The following PARK7 variants were observed in gnomAD, a reference collection of about 807,000 sequenced individuals.
PARK7 encodes Parkinson disease protein 7.
PARK7 carries 14 observed loss-of-function variants against 20.5 expected under a neutral mutation model. The ratio of observed to expected loss-of-function variants is 0.68; its 90% confidence interval spans 0.45 to 1.07. The LOEUF (loss-of-function observed/expected upper bound fraction) is 1.07. PARK7 is among the 50% of genes least tolerant of loss of function. The probability of loss-of-function intolerance (pLI) is 0.00; values close to 1 mark genes in which losing one functional copy is unlikely to be tolerated. For synonymous variants in PARK7, 98 were observed against 84.3 expected (o/e 1.16, Z -0.89); for missense variants, 234 against 238.1 (o/e 0.98, Z 0.11).
intron 6 of PARK7, among the ~76,000 whole-genome samples, chr1:7,981,415 T>A (rs1640706223): frequency 6.6e-6 from 1 of 152,226 alleles, no homozygotes; most frequent in Non-Finnish European, 1.5e-5. Flanking sequence ...GACCTGGGAT[T>A]TGAACCCAGA....
chr1:7,984,918 G>A lies in PARK7; in HGVS notation c.434G>A (p.Arg145His), dbSNP rs148682310. 47 of 1,614,034 alleles carry A rather than the reference G, an allele frequency of 2.9e-5. No individual in the cohort carries two copies. The highest frequency in any genetic ancestry group is 8.9e-5 in the East Asian group (4 of 44,898). Residue 145 changes from arginine (R) to histidine (H), a missense_variant, in exon 7 of 7, where the codon CGT (arginine) becomes CAT (histidine). Transcript: ENST00000338639. This position sits in a 1 kb window ranked among gnomAD's most constrained non-coding sequence, Gnocchi z 4.3. ...NGGHYTYSEN[R>H]VEKDGLILTS... ...GGTCATTACACCTACTCTGAGAATC[G>A]TGTGGAAAAAGACGGCCTGATTCTT...
chr1:7,976,517 A>G (rs749833435), intron 5 of PARK7, among the ~76,000 whole-genome samples: 3 of 152,284 alleles, frequency 2.0e-5, no homozygotes, highest in Non-Finnish European at 4.4e-5. Flanking sequence ...CCAATTTGGA[A>G]AGACTTCATC....
intron 2 of PARK7, 83 bp downstream of exon 2, chr1:7,962,958 G>A: frequency 8.8e-7 from 1 of 1,141,448 alleles, no homozygotes. Flanking sequence ...TATTCAAAGT[G>A]CTCTATGAAA....
chr1:7,982,151 T>C lies in PARK7; in HGVS notation c.410-2743T>C, dbSNP rs570040040. 4.2e-5 allele frequency among the ~76,000 whole-genome samples: 6 copies of C among 142,398 alleles called. No homozygotes were observed. In the South Asian group the frequency reaches 1.3e-3, roughly 31 times the overall value. The allele number at this position is 142,398 out of a possible 152,430, so 93.4% of individuals were successfully genotyped here. On this transcript the variant is annotated intron_variant, in intron 6 of 6. Transcript: ENST00000338639. ...CGCCAGGCCCAGCTAATTTTTGTAT[T>C]TTTTTTTTTTTTTTTAGTAGAGGCG...
intron 6 of PARK7, among the ~76,000 whole-genome samples, chr1:7,980,866 CT>C (rs1640695190): frequency 6.6e-6 from 1 of 151,858 alleles, no homozygotes; most frequent in Non-Finnish European, 1.5e-5. Flanking sequence ...AGTCTTTTTT[CT>C]TTTTTTCTTA....
intron 3 of PARK7, among the ~76,000 whole-genome samples, chr1:7,965,849 C>G (rs979640294): frequency 2.6e-5 from 4 of 152,212 alleles, no homozygotes; most frequent in Middle Eastern, 3.4e-3. Context: ...CCACTCTCTC[C>G]CCTAGGCTGG....
At chr1:7,974,136 C>A (rs1415556002) in intron 5 of PARK7, among the ~76,000 whole-genome samples, 1 of 142,970 alleles carries the variant, frequency 7.0e-6, no homozygotes, top group African/African-American at 2.6e-5. Context: ...ATAGTGAGAC[C>A]CCCCCACCGA....
chr1:7,974,615 T>C (rs1401012014), intron 5 of PARK7, among the ~76,000 whole-genome samples: 7 of 149,174 alleles, frequency 4.7e-5, no homozygotes, highest in Non-Finnish European at 7.4e-5. Context: ...GGCGACAGAG[T>C]GAGACTCCAT....
At chr1:7,977,763 G>A (rs1201053207) in intron 6 of PARK7, 25 bp downstream of exon 6, 1 of 1,604,194 alleles carries the variant, frequency 6.2e-7, no homozygotes, top group Non-Finnish European at 8.5e-7. Flanking sequence ...GTTTTTGTTT[G>A]TTTGTTTGTT....
intron 5 of PARK7, among the ~76,000 whole-genome samples, chr1:7,974,850 C>CTTTTTTTTTTTTTTT (rs547673963): frequency 8.0e-6 from 1 of 125,608 alleles, no homozygotes. Context: ...AAATAAGATT[C>CTTTTTTTTTTTTTTT]TTTTTTTTTT....
At position 7,984,146 on chromosome 1, in the gene PARK7, TC is replaced by T. The variant is rs1207337376; in HGVS notation, c.410-746del. On this transcript the variant is annotated intron_variant, in intron 6 of 6. Transcript: ENST00000338639. The surrounding 1 kb of genome is among the most constrained non-coding windows in gnomAD (Gnocchi z 4.3). ...GTGGAGGGAGCAGCCCTTGAGCTCTTCCTGGAGCAGGAGAGAACGTGTTGTA... is the reference window on the plus strand; with the variant it reads ...GTGGAGGGAGCAGCCCTTGAGCTCTTCTGGAGCAGGAGAGAACGTGTTGTA... 2.0e-5 allele frequency among the ~76,000 whole-genome samples: 3 copies of T among 152,034 alleles called. No individual in the cohort carries two copies. The highest frequency in any genetic ancestry group is 4.4e-5 in the Non-Finnish European group (3 of 68,002).
At chr1:7,966,073 T>G (rs1043019364) in intron 3 of PARK7, among the ~76,000 whole-genome samples, 6 of 152,132 alleles carry the variant, frequency 3.9e-5, no homozygotes, top group East Asian at 1.9e-4. Context: ...ATGGACACTT[T>G]TGGAAGCTAG....
At chr1:7,969,265 GA>G in intron 3 of PARK7, 79 bp from the exon 4 acceptor site, 2 of 1,153,396 alleles carry the variant, frequency 1.7e-6, no homozygotes, top group Non-Finnish European at 2.6e-6. Context: ...TTTAAAATAG[GA>G]AAGTATTATT....
At chr1:7,973,432 T>C (rs2151433849) in intron 5 of PARK7, among the ~76,000 whole-genome samples, 1 of 152,380 alleles carries the variant, frequency 6.6e-6, no homozygotes, top group South Asian at 2.1e-4. Flanking sequence ...TGTTTCCTTA[T>C]GATTCTGCTG....
Position 7,963,840 on chromosome 1 carries a change from A to T in PARK7, c.90+965A>T, listed in dbSNP as rs577503003. Among the ~76,000 whole-genome samples, 19 of 146,998 alleles carry T rather than the reference A, an allele frequency of 1.3e-4. No individual in the cohort carries two copies. In the South Asian group the frequency reaches 4.1e-3, roughly 32 times the overall value. Reference sequence around the variant, plus strand: ...GTGTCTTTTTTTTTTTTTTTAAGACAGAGTCTTGCTCTGTCACCCAGGCTG... The same window carrying T: ...GTGTCTTTTTTTTTTTTTTTAAGACTGAGTCTTGCTCTGTCACCCAGGCTG... On this transcript the variant is annotated intron_variant, in intron 2 of 6. Transcript: ENST00000338639.
chr1:7,970,244 G>GT (rs1557445057), intron 4 of PARK7, among the ~76,000 whole-genome samples: 1 of 152,120 alleles, frequency 6.6e-6, no homozygotes. Context: ...TGGTGGGACC[G>GT]TTATGAACAG....
At chr1:7,965,975 A>G (rs1640318302) in intron 3 of PARK7, among the ~76,000 whole-genome samples, 1 of 151,766 alleles carries the variant, frequency 6.6e-6, no homozygotes, top group African/African-American at 2.4e-5. Flanking sequence ...CCCGGCCATT[A>G]TTTTTTCTAA....
At chr1:7,962,402 A>G (rs1190843436) in intron 1 of PARK7, among the ~76,000 whole-genome samples, 2 of 152,340 alleles carry the variant, frequency 1.3e-5, no homozygotes, top group Middle Eastern at 3.4e-3. Context: ...CAGTGCTTCA[A>G]AAAAGACTGT....
intron 6 of PARK7, among the ~76,000 whole-genome samples, chr1:7,978,081 C>T (rs1183265938): frequency 6.9e-6 from 1 of 145,338 alleles, no homozygotes; most frequent in African/African-American, 2.5e-5. Context: ...ACTGCAACTT[C>T]CGCCTCCCGG....
Sources: gnomAD v4.1 joint callset for allele counts (sites outside exome capture counted in the v4.1 genomes callset) on GRCh38, gnomAD v4.1.1 for gene constraint, Gnocchi (gnomAD v3.1) non-coding constraint, MANE v1.5 for transcripts, NCBI Gene and HGNC (gene_info 2026-07-23, HGNC 2026-07-21) for gene names.